The following DCAF8L2 variants were observed in gnomAD, a reference collection of about 807,000 sequenced individuals.
DCAF8L2 encodes DDB1 and CUL4 associated factor 8 like 2, also known as DDB1- and CUL4-associated factor 8-like protein 2.
For synonymous variants in DCAF8L2, 200 were observed against 190.9 expected (o/e 1.05, Z -0.39); for missense variants, 430 against 490.7 (o/e 0.88, Z 1.17).
chrX:27,582,251 C>T, the DCAF8L2 span, among the ~76,000 whole-genome samples: 1 of 111,797 alleles, frequency 8.9e-6, no homozygotes. Context: ...CTAAAGTTAA[C>T]ATTTTACATA....
chrX:27,573,201 G>A, the DCAF8L2 span, among the ~76,000 whole-genome samples: 1 of 106,203 alleles, frequency 9.4e-6, no homozygotes, highest in African/African-American at 3.5e-5. Context: ...CATTTCTTAA[G>A]GTGTTAAAAT....
At chrX:27,505,711 G>A in the DCAF8L2 span, among the ~76,000 whole-genome samples, 2 of 111,189 alleles carry the variant, frequency 1.8e-5, no homozygotes, top group African/African-American at 6.5e-5. Flanking sequence ...GTCACTAGTC[G>A]ATTAGGTTAC....
At chrX:27,544,056 A>C in the DCAF8L2 span, among the ~76,000 whole-genome samples, 1 of 111,599 alleles carries the variant, frequency 9.0e-6, no homozygotes, top group Non-Finnish European at 1.9e-5. Context: ...ATCTATGAAA[A>C]ATTAAGTGAG....
chrX:27,661,560 A>G (rs1929559813), intron 2 of DCAF8L2, among the ~76,000 whole-genome samples: 2 of 111,639 alleles, frequency 1.8e-5, no homozygotes, highest in Admixed American at 1.9e-4. Flanking sequence ...ATATTATGCT[A>G]TCTTGTAGTA....
At chrX:27,523,315 A>G in the DCAF8L2 span, among the ~76,000 whole-genome samples, 1 of 111,035 alleles carries the variant, frequency 9.0e-6, no homozygotes, top group Admixed American at 9.7e-5. Context: ...CTTTAAGATG[A>G]TCTAAATTAT....
intron 4 of DCAF8L2, among the ~76,000 whole-genome samples, chrX:27,728,645 C>A (rs1391391763): frequency 9.0e-6 from 1 of 111,516 alleles, no homozygotes; most frequent in African/African-American, 3.3e-5. Context: ...ATCCTCTCTT[C>A]TCAGAAAAGT....
At chrX:27,657,250 G>A (rs774406115) in intron 2 of DCAF8L2, among the ~76,000 whole-genome samples, 7 of 110,803 alleles carry the variant, frequency 6.3e-5, no homozygotes, top group Admixed American at 9.6e-5. Context: ...GCATATACAC[G>A]CCGAAAGGAG....
chrX:27,581,311 T>C, the DCAF8L2 span, among the ~76,000 whole-genome samples: 1 of 112,239 alleles, frequency 8.9e-6, no homozygotes, highest in African/African-American at 3.2e-5. Context: ...CAGTTTTACT[T>C]TCCTCTCTGC....
intron 1 of DCAF8L2, among the ~76,000 whole-genome samples, chrX:27,618,998 ATATC>A (rs1231756453): frequency 6.3e-5 from 5 of 79,561 alleles, no homozygotes; most frequent in Non-Finnish European, 1.3e-4. Flanking sequence ...ATCTATATCT[ATATC>A]TAATCTATCT....
the DCAF8L2 span, among the ~76,000 whole-genome samples, chrX:27,574,860 T>C: frequency 9.0e-6 from 1 of 111,123 alleles, no homozygotes; most frequent in Non-Finnish European, 1.9e-5. Context: ...AGGGTGAATG[T>C]TTACTGCTCC....
At chrX:27,696,270 GAA>G (rs1238262907) in intron 3 of DCAF8L2, among the ~76,000 whole-genome samples, 147 of 13,442 alleles carry the variant, frequency 0.011, 1 homozygote, top group South Asian at 0.026. Flanking sequence ...GAGAGAGAGA[GAA>G]AGAAAGAAAG....
chrX:27,487,407 G>A, the DCAF8L2 span, among the ~76,000 whole-genome samples: 2 of 111,266 alleles, frequency 1.8e-5, no homozygotes, highest in South Asian at 3.8e-4. Context: ...TCAGCCTCCC[G>A]AGAAGCCGGG....
At chrX:27,739,772 T>G (rs1162969478) in intron 4 of DCAF8L2, among the ~76,000 whole-genome samples, 1 of 111,723 alleles carries the variant, frequency 9.0e-6, no homozygotes, top group Non-Finnish European at 1.9e-5. Context: ...GTCACCACCA[T>G]TAACCCATTA....
chrX:27,575,418 C>T, the DCAF8L2 span, among the ~76,000 whole-genome samples: 1 of 111,132 alleles, frequency 9.0e-6, no homozygotes, highest in South Asian at 3.8e-4. Context: ...GTAGGAGTGC[C>T]TATCCTCACC....
At chrX:27,567,209 G>A in the DCAF8L2 span, among the ~76,000 whole-genome samples, 2 of 109,903 alleles carry the variant, frequency 1.8e-5, no homozygotes, top group Non-Finnish European at 3.8e-5. Flanking sequence ...TTTGCTTTTA[G>A]GTGGAAAGTT....
the DCAF8L2 span, chrX:27,517,939 G>A: frequency 3.3e-5 from 40 of 1,197,937 alleles, no homozygotes; most frequent in Non-Finnish European, 4.2e-5. Flanking sequence ...GTTGGTTTGC[G>A]TGAGGTCTGG....
At chrX:27,718,554 T>TAA (rs1931779609) in intron 4 of DCAF8L2, among the ~76,000 whole-genome samples, 1 of 111,170 alleles carries the variant, frequency 9.0e-6, no homozygotes, top group Non-Finnish European at 1.9e-5. Context: ...TGGATGAGAT[T>TAA]AACATTTCAA....
At chrX:27,665,854 G>T (rs1929722109) in intron 2 of DCAF8L2, among the ~76,000 whole-genome samples, 1 of 111,474 alleles carries the variant, frequency 9.0e-6, no homozygotes, top group African/African-American at 3.3e-5. Context: ...ACATTTTTTA[G>T]ACATAATGCT....
chrX:27,700,889 C>T (rs1344043763), intron 3 of DCAF8L2, among the ~76,000 whole-genome samples: 1 of 111,474 alleles, frequency 9.0e-6, no homozygotes, highest in Non-Finnish European at 1.9e-5. Context: ...AATCACATCA[C>T]TCCCATATAA....
Sources: gnomAD v4.1 joint callset for allele counts (sites outside exome capture counted in the v4.1 genomes callset) on GRCh38, gnomAD v4.1.1 for gene constraint, MANE v1.5 for transcripts, NCBI Gene and HGNC (gene_info 2026-07-23, HGNC 2026-07-21) for gene names.